The following CHD1L variants were observed in gnomAD, a reference collection of about 807,000 sequenced individuals.
CHD1L encodes the protein chromodomain helicase DNA binding protein 1 like.
CHD1L carries 118 observed loss-of-function variants against 115.9 expected under a neutral mutation model. That is an observed-to-expected ratio of 1.02 (90% CI 0.88 to 1.19). CHD1L has a LOEUF of 1.19. Ranked by LOEUF, CHD1L falls within the 50% of genes most tolerant of loss-of-function variation. The probability of loss-of-function intolerance (pLI) is 0.00; values close to 1 mark genes in which losing one functional copy is unlikely to be tolerated. For missense variants in CHD1L, 1,179 were observed against 1,065.3 expected, an observed-to-expected ratio of 1.11 and a Z score of -1.49; for synonymous variants, 411 against 387.1, an observed-to-expected ratio of 1.06 and a Z score of -0.72.
At position 147,272,165 on chromosome 1, in the gene CHD1L, G is replaced by GTAAA; in HGVS notation, c.1160-5_1160-2dup. ...AAGATTTCTGTTTTTCTTCCTCTCT[G>GTAAA]TAAAGGCTACAGCTATGAGCGTGTG... On this transcript the variant is annotated splice_region_variant and splice_polypyrimidine_tract_variant and intron_variant, in intron 11 of 22. Coordinates refer to ENST00000369258, the MANE Select transcript of CHD1L (RefSeq NM_004284.6). 1 of 1,608,488 alleles carries GTAAA rather than the reference G, an allele frequency of 6.2e-7. No homozygotes were observed.
In CHD1L at chr1:147,295,472, A is replaced by AAGTCTGCT; in HGVS notation, c.2657_2658insAGTCTGCT (p.Ser887ValfsTer25). On this transcript the variant is annotated frameshift_variant, in exon 23 of 23. Coordinates refer to ENST00000369258, the MANE Select transcript of CHD1L (RefSeq NM_004284.6). LOFTEE classifies it low-confidence loss of function (END_TRUNC). ...AGCAAGTCTGCTGTCCTTCATTCAC[A>AAGTCTGCT]GTCTTCATCTTCCTCCTCAAGACAG... 5 of 1,611,776 alleles carry AAGTCTGCT rather than the reference A, an allele frequency of 3.1e-6. No homozygotes were observed. Among genetic ancestry groups the AAGTCTGCT allele is most frequent in the Non-Finnish European group, 4.2e-6 (5 of 1,178,744 alleles).
At chr1:147,178,797 C>G in the CHD1L span, 1 of 1,604,686 alleles carries the variant, frequency 6.2e-7, no homozygotes. Context: ...AAAAAATGAC[C>G]AGTGGCAAAA....
chr1:147,279,072 A>G (rs1572039874), intron 14 of CHD1L, among the ~76,000 whole-genome samples: 1 of 152,296 alleles, frequency 6.6e-6, no homozygotes, highest in Middle Eastern at 3.4e-3. Context: ...CAGCTGCCAA[A>G]GCCAGTCATC....
intron 14 of CHD1L, among the ~76,000 whole-genome samples, chr1:147,279,812 A>G (rs1559851018): frequency 1.3e-5 from 2 of 152,134 alleles, no homozygotes; most frequent in African/African-American, 4.8e-5. Context: ...CAAAGTCAAT[A>G]CCTCTGATAA....
chr1:147,190,487 C>T, the CHD1L span, among the ~76,000 whole-genome samples: 1 of 152,088 alleles, frequency 6.6e-6, no homozygotes, highest in Non-Finnish European at 1.5e-5. Flanking sequence ...TGACTTCCAA[C>T]CAATACCTGC....
intron 20 of CHD1L, among the ~76,000 whole-genome samples, chr1:147,292,325 C>T (rs1478775662): frequency 2.6e-5 from 4 of 152,160 alleles, no homozygotes; most frequent in Non-Finnish European, 2.9e-5. Flanking sequence ...ACACATATGT[C>T]CTCTGCCCAC....
At chr1:147,286,860 T>G (rs1553966382) in intron 18 of CHD1L, among the ~76,000 whole-genome samples, 1 of 152,240 alleles carries the variant, frequency 6.6e-6, no homozygotes, top group Non-Finnish European at 1.5e-5. Flanking sequence ...ACCTTTGTAC[T>G]TTTTACTTCA....
chr1:147,181,660 A>T, the CHD1L span, among the ~76,000 whole-genome samples: 5 of 152,352 alleles, frequency 3.3e-5, no homozygotes, highest in African/African-American at 1.2e-4. Context: ...AGAAAAGGCA[A>T]GTCACCATAC....
At chr1:147,209,843 C>T in the CHD1L span, 1 of 152,188 alleles carries the variant, frequency 6.6e-6, no homozygotes, top group Non-Finnish European at 1.5e-5. Flanking sequence ...ACCATTTAAT[C>T]TAAAACCCTC....
the CHD1L span, among the ~76,000 whole-genome samples, chr1:147,187,660 G>A: frequency 2.0e-5 from 3 of 152,104 alleles, no homozygotes; most frequent in South Asian, 4.1e-4. Context: ...ATTTGATGAG[G>A]GCAGTGGTGA....
chr1:147,257,996 A>G (rs1670662407), intron 5 of CHD1L, among the ~76,000 whole-genome samples: 1 of 152,204 alleles, frequency 6.6e-6, no homozygotes, highest in Non-Finnish European at 1.5e-5. Flanking sequence ...GTCCTGTAGT[A>G]TGAATCCCAA....
At chr1:147,211,726 T>G in the CHD1L span, among the ~76,000 whole-genome samples, 1 of 152,206 alleles carries the variant, frequency 6.6e-6, no homozygotes, top group East Asian at 1.9e-4. Flanking sequence ...TGCTTCTCAG[T>G]TCAAAGTCTG....
At chr1:147,179,753 C>T in the CHD1L span, 1 of 627,654 alleles carries the variant, frequency 1.6e-6, no homozygotes, top group South Asian at 1.9e-5. Context: ...TGGATATAAT[C>T]TGAATCCTGT....
chr1:147,275,835 A>T (rs908116786), intron 13 of CHD1L, among the ~76,000 whole-genome samples: 1 of 150,954 alleles, frequency 6.6e-6, no homozygotes, highest in African/African-American at 2.4e-5. Flanking sequence ...GGATAATTTG[A>T]TCTTCCAGAT....
In CHD1L at chr1:147,293,677, G is replaced by A. The variant is rs140537285; in HGVS notation, c.2461G>A (p.Glu821Lys). 526 of 1,614,038 alleles carry A rather than the reference G, an allele frequency of 3.3e-4. No homozygotes were observed. Among genetic ancestry groups the A allele is most frequent in the Non-Finnish European group, 4.1e-4 (478 of 1,180,010 alleles). ...VLSGIKMAAL[E>K]EGLKKIFLAA... ...GTCTGGCATTAAGATGGCAGCCCTA[G>A]AAGAGGGCCTGAAGAAGATATTTTT... The change falls in exon 21 of 23, where the codon GAA becomes AAA. Residue 821 changes from glutamate to lysine, a missense_variant. Glu to Lys is a moderately conservative substitution (Grantham distance 56). Transcript: ENST00000369258.
the CHD1L span, chr1:147,209,068 ATTGT>A: frequency 1.2e-6 from 2 of 1,607,676 alleles, no homozygotes; most frequent in African/African-American, 1.3e-5. Context: ...CATGGAAGAA[ATTGT>A]TTGCTTTTGT....
the CHD1L span, among the ~76,000 whole-genome samples, chr1:147,198,421 A>C: frequency 6.6e-6 from 1 of 152,152 alleles, no homozygotes; most frequent in Non-Finnish European, 1.5e-5. Context: ...AAAAAGTAAA[A>C]GGAGGGCATA....
intron 18 of CHD1L, among the ~76,000 whole-genome samples, chr1:147,287,184 G>A (rs1683503865): frequency 6.6e-6 from 1 of 152,212 alleles, no homozygotes; most frequent in African/African-American, 2.4e-5. Flanking sequence ...CGTTTGTAGT[G>A]TGAATGAATG....
intron 19 of CHD1L, among the ~76,000 whole-genome samples, chr1:147,289,548 G>T (rs1290677831): frequency 6.6e-6 from 1 of 152,186 alleles, no homozygotes; most frequent in South Asian, 2.1e-4. Context: ...AGGAAATGGA[G>T]ATGAGAGTGT....
Sources: gnomAD v4.1 joint callset for allele counts (sites outside exome capture counted in the v4.1 genomes callset) on GRCh38, gnomAD v4.1.1 for gene constraint, MANE v1.5 for transcripts, NCBI Gene and HGNC (gene_info 2026-07-23, HGNC 2026-07-21) for gene names.